Variants in MSRB2 observed in about 807,000 individuals in gnomAD.
MSRB2 encodes the protein methionine sulfoxide reductase B2.
In MSRB2, 17 loss-of-function variants were observed where a neutral mutation model predicts 19.0. That is an observed-to-expected ratio of 0.89 (90% CI 0.61 to 1.34). The LOEUF is 1.34. MSRB2 is among the 40% of genes most tolerant of loss of function. MSRB2 has a pLI of 0.00. For missense variants in MSRB2, 208 were observed against 237.6 expected, an observed-to-expected ratio of 0.88 and a Z score of 0.82; for synonymous variants, 107 against 99.7, an observed-to-expected ratio of 1.07 and a Z score of -0.44.
Position 23,110,271 on chromosome 10 carries a change from G to A in MSRB2, c.249G>A (p.Lys83=). 6.2e-7 allele frequency: 1 copy of A among 1,613,888 alleles called. No individual in the cohort carries two copies. The highest frequency in any genetic ancestry group is 1.1e-5 in the South Asian group (1 of 91,030). ...TCAGTGGGATCTACCTGAATAACAAGGAAGCAGGAATGTATCATTGCGTGT... is the reference window on the plus strand; with the variant it reads ...TCAGTGGGATCTACCTGAATAACAAAGAAGCAGGAATGTATCATTGCGTGT... The part of the protein sequence containing the change: ...PPFSGIYLNN[K]EAGMYHCVCC... Residue 83 remains lysine, a synonymous_variant, in exon 3 of 5, where the codon AAG becomes AAA. Transcript: ENST00000376510.
In MSRB2 at chr10:23,095,733, C is replaced by G. The variant is rs1335769186; in HGVS notation, c.118+7C>G. On this transcript the variant is annotated splice_region_variant and intron_variant, in intron 1 of 4. Coordinates refer to ENST00000376510, the MANE Select transcript of MSRB2 (RefSeq NM_012228.4). Reference sequence around the variant, plus strand: ...CCGGGACTGGGGGAGGCAGGTAGGACGCGGGTCCCGCAGGCCCCGCCGCCG... The same window carrying G: ...CCGGGACTGGGGGAGGCAGGTAGGAGGCGGGTCCCGCAGGCCCCGCCGCCG... The G allele has an allele frequency of 1.1e-5, 14 of 1,247,172 alleles. No homozygotes were observed. The highest frequency in any genetic ancestry group is 1.4e-5 in the Non-Finnish European group (14 of 996,874). The allele number at this position is 1,247,172 out of a possible 1,614,324, so 77.3% of individuals were successfully genotyped here.
At chr10:23,096,903 A>G (rs1179057769) in intron 1 of MSRB2, among the ~76,000 whole-genome samples, 2 of 152,190 alleles carry the variant, frequency 1.3e-5, no homozygotes, top group African/African-American at 2.4e-5. Context: ...AGCGGTAACT[A>G]CTTCATGGCT....
chr10:23,104,080 C>A, intron 1 of MSRB2, 64 bp from the exon 2 acceptor site: 2 of 1,358,468 alleles, frequency 1.5e-6, no homozygotes, highest in South Asian at 2.5e-5. Context: ...GGAAAAAGGT[C>A]AAGGAAGAAA....
At chr10:23,109,666 A>G (rs1027530843) in intron 2 of MSRB2, among the ~76,000 whole-genome samples, 7 of 152,188 alleles carry the variant, frequency 4.6e-5, no homozygotes, top group Admixed American at 2.0e-4. Flanking sequence ...CCTGTAACCC[A>G]CAATGAACGC....
intron 2 of MSRB2, among the ~76,000 whole-genome samples, chr10:23,104,882 A>G (rs1357752295): frequency 6.6e-6 from 1 of 151,606 alleles, no homozygotes; most frequent in Non-Finnish European, 1.5e-5. Context: ...ATTCAGACCT[A>G]CCTTGTAGCT....
chr10:23,120,000 C>G (rs1840164468), intron 4 of MSRB2, among the ~76,000 whole-genome samples: 1 of 152,212 alleles, frequency 6.6e-6, no homozygotes, highest in Admixed American at 6.5e-5. Flanking sequence ...TCTAATGTGG[C>G]CTTTCCTGGT....
At chr10:23,103,367 A>G (rs1171031511) in intron 1 of MSRB2, among the ~76,000 whole-genome samples, 3 of 152,220 alleles carry the variant, frequency 2.0e-5, no homozygotes, top group African/African-American at 7.2e-5. Context: ...GAAGAGTTGG[A>G]CACATTATAA....
intron 3 of MSRB2, 68 bp from the exon 4 acceptor site, chr10:23,119,236 C>G (rs1305454534): frequency 8.9e-6 from 14 of 1,573,048 alleles, no homozygotes; most frequent in Non-Finnish European, 1.1e-5. Flanking sequence ...AACAACACAT[C>G]GGGGCACCTC....
In MSRB2 at chr10:23,121,102, G is replaced by A. The variant is rs2131636681; in HGVS notation, c.*240G>A. The A allele has an allele frequency of 2.5e-5, 10 of 406,424 alleles. No individual in the cohort carries two copies. In the South Asian group the frequency reaches 3.0e-4, roughly 12 times the overall value. The allele number at this position is 406,424 out of a possible 1,614,324, so 25.2% of individuals were successfully genotyped here. A position where few individuals can be genotyped will look rare whatever the true frequency, so the allele number is the denominator to read the frequency against. ...GATCTGGGAGAATTTGAAAAAAAAA[G>A]AAAAACTAGAAAAATAAACAAAATT... On this transcript the variant is annotated 3_prime_UTR_variant, in exon 5 of 5. Transcript: ENST00000376510.
At chr10:23,103,982 G>C (rs1839955971) in intron 1 of MSRB2, among the ~76,000 whole-genome samples, 162 bp from the exon 2 acceptor site, 1 of 152,224 alleles carries the variant, frequency 6.6e-6, no homozygotes, top group Non-Finnish European at 1.5e-5. Context: ...GGCATTTTGT[G>C]CCTGAGCCTT....
intron 2 of MSRB2, 81 bp downstream of exon 2, chr10:23,104,325 C>A: frequency 9.1e-7 from 1 of 1,096,966 alleles, no homozygotes; most frequent in Non-Finnish European, 1.3e-6. Flanking sequence ...GCTATGAAAC[C>A]CAGCTGCCCA....
At chr10:23,098,072 C>A (rs1006988561) in intron 1 of MSRB2, among the ~76,000 whole-genome samples, 1 of 152,074 alleles carries the variant, frequency 6.6e-6, no homozygotes, top group Non-Finnish European at 1.5e-5. Context: ...GGAAAATATT[C>A]TTTCTAGAGA....
Position 23,095,726 on chromosome 10 carries a change from G to C in MSRB2, c.118G>C (p.Gly40Arg), listed in dbSNP as rs961732000. The C allele has an allele frequency of 6.0e-5, 75 of 1,255,438 alleles. No homozygotes were observed. Among genetic ancestry groups the C allele is most frequent in the Non-Finnish European group, 6.9e-5 (69 of 1,002,774 alleles). 77.8% of individuals were successfully genotyped at this position (1,255,438 alleles called of 1,614,324 possible). Residue 40 changes from glycine (G) to arginine (R), a missense_variant and splice_region_variant, in exon 1 of 5, where the codon GGG becomes CGG. Coordinates refer to ENST00000376510, the MANE Select transcript of MSRB2 (RefSeq NM_012228.4). ...CACCGGGCCGGGACTGGGGGAGGCAGGTAGGACGCGGGTCCCGCAGGCCCC... is the reference window on the plus strand; with the variant it reads ...CACCGGGCCGGGACTGGGGGAGGCACGTAGGACGCGGGTCCCGCAGGCCCC... ...PGTGPGLGEAGSLATCELPLA... is the reference protein window; with the variant it reads ...PGTGPGLGEARSLATCELPLA...
chr10:23,103,142 T>G (rs536214078), intron 1 of MSRB2, among the ~76,000 whole-genome samples: 66 of 152,334 alleles, frequency 4.3e-4, no homozygotes, highest in Middle Eastern at 3.4e-3. Context: ...TCACTGGAAA[T>G]GCAGTATTGT....
At chr10:23,111,693 G>A (rs965703947) in intron 3 of MSRB2, among the ~76,000 whole-genome samples, 85 of 152,328 alleles carry the variant, frequency 5.6e-4, no homozygotes, top group African/African-American at 2.0e-3. Flanking sequence ...TGGTGATGGA[G>A]ATGTCTGTAT....
intron 3 of MSRB2, among the ~76,000 whole-genome samples, chr10:23,110,874 A>G (rs1564429842): frequency 6.6e-6 from 1 of 152,154 alleles, no homozygotes. Flanking sequence ...CAGGATCTGA[A>G]ATCTCTCAAC....
chr10:23,120,875 G>A lies in MSRB2; in HGVS notation c.*13G>A, dbSNP rs1840174377. 3 of 1,603,142 alleles carry A rather than the reference G, an allele frequency of 1.9e-6. No homozygotes were observed. The highest frequency in any genetic ancestry group is 2.6e-6 in the Non-Finnish European group (3 of 1,171,364). On this transcript the variant is annotated 3_prime_UTR_variant, in exon 5 of 5. Coordinates refer to ENST00000376510, the MANE Select transcript of MSRB2 (RefSeq NM_012228.4). ...AAGGAAACACTGACCATCTTCAAGA[G>A]TCCCGTTCCCTTGCCACCCCTTCAC...
Position 23,099,171 on chromosome 10 carries a change from G to A in MSRB2, c.118+3445G>A, listed in dbSNP as rs191614935. Among the ~76,000 whole-genome samples the A allele has an allele frequency of 1.6e-3, 247 of 152,266 alleles. 1 individual carries two copies. The highest frequency in any genetic ancestry group is 5.5e-3 in the African/African-American group (230 of 41,540). On this transcript the variant is annotated intron_variant, in intron 1 of 4. Transcript: ENST00000376510. Reference sequence around the variant, plus strand: ...TCAACATATGAATTTGGAAGTTGGCGGGCAGGGAGTGTCACAATTCAGCTC... The same window carrying A: ...TCAACATATGAATTTGGAAGTTGGCAGGCAGGGAGTGTCACAATTCAGCTC...
rs1411767051 is a variant in MSRB2, at chr10:23,119,402, G to A, written c.395G>A (p.Arg132His). The A allele has an allele frequency of 8.1e-6, 13 of 1,614,162 alleles. No individual in the cohort carries two copies. The highest frequency in any genetic ancestry group is 2.2e-5 in the South Asian group (2 of 91,090). Reference protein sequence around the residue: ...SDESHTGILRRLDTSLGSART... With the variant: ...SDESHTGILRHLDTSLGSART... ...GAAAGCCACACAGGGATCCTGAGAC[G>A]TCTGGATACCTCGTTAGGATCAGCT... Residue 132 changes from arginine (R) to histidine (H), a missense_variant, in exon 4 of 5, where the codon CGT becomes CAT. Transcript: ENST00000376510.
Sources: gnomAD v4.1 joint callset for allele counts (sites outside exome capture counted in the v4.1 genomes callset) on GRCh38, gnomAD v4.1.1 for gene constraint, MANE v1.5 for transcripts, NCBI Gene and HGNC (gene_info 2026-07-23, HGNC 2026-07-21) for gene names.